The following SEMA5B variants were observed in gnomAD, a reference collection of about 807,000 sequenced individuals.
The protein encoded by SEMA5B is semaphorin-5B.
Under a neutral mutation model 135.0 loss-of-function variants are expected in SEMA5B, and 66 were observed. The observed-to-expected ratio is 0.49, with a 90% CI of 0.40 to 0.60. The LOEUF is 0.60. Among genes scored for constraint, SEMA5B ranks in the 20% least tolerant of loss-of-function variants. The pLI is 0.00. For synonymous variants in SEMA5B, 690 were observed against 639.5 expected (o/e 1.08, Z -1.19); for missense variants, 1,501 against 1,566.3 (o/e 0.96, Z 0.70).
chr3:122,974,656 T>G (rs1941249680), intron 1 of SEMA5B, among the ~76,000 whole-genome samples: 1 of 150,194 alleles, frequency 6.7e-6, no homozygotes, highest in Non-Finnish European at 1.5e-5. Flanking sequence ...GGCCAGGGGG[T>G]GGGAAGAGAA....
At chr3:122,997,590 A>G (rs1006389188) in intron 1 of SEMA5B, among the ~76,000 whole-genome samples, 1 of 151,058 alleles carries the variant, frequency 6.6e-6, no homozygotes, top group South Asian at 2.1e-4. Context: ...TTCTTAAGTC[A>G]TCCTGATTTT....
intron 3 of SEMA5B, among the ~76,000 whole-genome samples, chr3:122,945,534 T>A (rs1462275669): frequency 6.6e-6 from 1 of 152,180 alleles, no homozygotes; most frequent in South Asian, 2.1e-4. Flanking sequence ...TTGTATGTTA[T>A]GGTGTATTTG....
chr3:123,014,887 G>C (rs1043369091), intron 1 of SEMA5B, among the ~76,000 whole-genome samples: 6 of 152,196 alleles, frequency 3.9e-5, no homozygotes, highest in African/African-American at 1.4e-4. Context: ...GCCTTATTTG[G>C]AAATAGGATT....
intron 1 of SEMA5B, among the ~76,000 whole-genome samples, chr3:122,995,721 G>T (rs992734427): frequency 6.6e-6 from 1 of 152,158 alleles, no homozygotes; most frequent in Non-Finnish European, 1.5e-5. Flanking sequence ...TTGGGTTCTC[G>T]TCCCTATTCT....
rs2107604813 is a variant in SEMA5B at position 122,961,201 on chromosome 3, G to A, written c.63C>T (p.Thr21=). 17 of 1,613,910 alleles carry A rather than the reference G, an allele frequency of 1.1e-5. No homozygotes were observed. The highest frequency in any genetic ancestry group is 1.4e-5 in the Non-Finnish European group (16 of 1,179,894). The change falls in exon 2 of 23, where the codon ACC becomes ACT. Residue 21 remains threonine, a synonymous_variant. Transcript: ENST00000357599. The stretch of plus-strand genomic sequence containing the variant: ...ATCCACACCTTAGCTGTTGGGCTGG[G>A]GTATCAGGCGGCCCAGGGACGAGGT... ...AHHLVPGPPD[T]PAQQLRCGWT...
intron 8 of SEMA5B, 139 bp from the exon 9 acceptor site, chr3:122,926,816 G>A (rs562027727): frequency 4.4e-6 from 4 of 917,754 alleles, no homozygotes; most frequent in African/African-American, 1.7e-5. Context: ...TGACCTGGGG[G>A]CCCTAACTAA....
intron 1 of SEMA5B, among the ~76,000 whole-genome samples, chr3:122,989,008 G>GT (rs1365040117): frequency 1.3e-5 from 2 of 152,262 alleles, no homozygotes; most frequent in Non-Finnish European, 2.9e-5. Flanking sequence ...GGGAGGGCCA[G>GT]TGGGGCTTCT....
chr3:122,923,408 G>C (rs1358413761), intron 10 of SEMA5B, among the ~76,000 whole-genome samples: 1 of 152,200 alleles, frequency 6.6e-6, no homozygotes, highest in Non-Finnish European at 1.5e-5. Context: ...CTCGGAGCAT[G>C]CTTCCTCGCA....
chr3:122,923,849 C>G lies in SEMA5B; in HGVS notation c.1137-97G>C, dbSNP rs1251253050. ...CAGCTGTCATGTCCAATTCCCAAGGCTCTGTAAGCATCTATGATGTGTCTG... is the reference window on the plus strand; with the variant it reads ...CAGCTGTCATGTCCAATTCCCAAGGGTCTGTAAGCATCTATGATGTGTCTG... On this transcript the variant is annotated intron_variant, in intron 9 of 22. Coordinates refer to ENST00000357599, the MANE Select transcript of SEMA5B (RefSeq NM_001031702.4). 9.3e-6 allele frequency: 13 copies of G among 1,391,148 alleles called. No homozygotes were observed. In the Admixed American group the frequency reaches 2.2e-4, roughly 24 times the overall value. The allele number at this position is 1,391,148 out of a possible 1,614,324, so 86.2% of individuals were successfully genotyped here.
chr3:122,993,824 C>T (rs1056656192), intron 1 of SEMA5B, among the ~76,000 whole-genome samples: 1 of 151,916 alleles, frequency 6.6e-6, no homozygotes, highest in Admixed American at 6.6e-5. Flanking sequence ...CAGTCAGCTC[C>T]CCCTGCTGAA....
chr3:122,937,296 GA>G (rs1939341070), intron 5 of SEMA5B, among the ~76,000 whole-genome samples: 1 of 152,224 alleles, frequency 6.6e-6, no homozygotes, highest in Non-Finnish European at 1.5e-5. Context: ...GGCAACCCCT[GA>G]AGTTAGGCTT....
At chr3:122,989,305 G>T (rs1049906941) in intron 1 of SEMA5B, among the ~76,000 whole-genome samples, 44 of 152,328 alleles carry the variant, frequency 2.9e-4, no homozygotes, top group African/African-American at 9.6e-4. Context: ...GTCAAGGAGG[G>T]CTGTGAGCTG....
At chr3:122,971,597 T>G (rs77795642) in intron 1 of SEMA5B, among the ~76,000 whole-genome samples, 3,144 of 152,372 alleles carry the variant, frequency 0.021, 51 homozygotes, top group East Asian at 0.1. Context: ...CTTATTTACC[T>G]CTGGATCCTC....
intron 12 of SEMA5B, among the ~76,000 whole-genome samples, chr3:122,918,632 T>C (rs1459076702): frequency 6.6e-6 from 1 of 152,220 alleles, no homozygotes; most frequent in African/African-American, 2.4e-5. Flanking sequence ...CTCTCACCCC[T>C]TCAGCTTCCC....
chr3:122,978,058 A>AC (rs147675947), intron 1 of SEMA5B, among the ~76,000 whole-genome samples: 3,265 of 152,336 alleles, frequency 0.021, 76 homozygotes, highest in Non-Finnish European at 0.031. Context: ...CAGATGCGGA[A>AC]CCAGCCAGCC....
At chr3:122,969,478 T>C (rs534621570) in intron 1 of SEMA5B, among the ~76,000 whole-genome samples, 11 of 152,370 alleles carry the variant, frequency 7.2e-5, no homozygotes, top group African/African-American at 2.6e-4. Context: ...TATCCCGTGC[T>C]GTGTCCTGGA....
At chr3:123,017,021 A>G (rs1942577602) in intron 1 of SEMA5B, among the ~76,000 whole-genome samples, 2 of 151,014 alleles carry the variant, frequency 1.3e-5, no homozygotes, top group African/African-American at 4.9e-5. Flanking sequence ...CCTCCTGAGT[A>G]GCTGGGACTA....
intron 1 of SEMA5B, among the ~76,000 whole-genome samples, chr3:122,998,516 G>T (rs1045275411): frequency 1.3e-5 from 2 of 152,174 alleles, no homozygotes. Flanking sequence ...GCAGGTGAAC[G>T]TGTTCTGGAA....
chr3:122,923,569 G>T, intron 10 of SEMA5B, 48 bp downstream of exon 10: 1 of 1,608,390 alleles, frequency 6.2e-7, no homozygotes, highest in Non-Finnish European at 8.5e-7. Flanking sequence ...TGGTAATCTG[G>T]GGGTAAGGCA....
Sources: allele counts gnomAD v4.1 joint callset (sites outside exome capture counted in the v4.1 genomes callset), GRCh38; gene constraint gnomAD v4.1.1; transcripts MANE v1.5; gene names NCBI Gene and HGNC (gene_info 2026-07-23, HGNC 2026-07-21).